Variants in ANK2 observed in about 807,000 individuals in gnomAD.
ANK2 encodes the protein ankyrin 2.
ANK2 carries 83 observed loss-of-function variants against 360.5 expected under a neutral mutation model. The ratio of observed to expected loss-of-function variants is 0.23; its 90% CI spans 0.19 to 0.28. The LOEUF (loss-of-function observed/expected upper bound fraction) is 0.28. Among genes scored for constraint, ANK2 ranks in the 10% least tolerant of loss-of-function variants. ANK2 has a pLI of 1.00. For synonymous variants in ANK2, 1,740 were observed against 1,759.5 expected (o/e 0.99, Z 0.28); for missense variants, 4,201 against 4,795.7 (o/e 0.88, Z 3.66).
chr4:112,977,742 C>T (rs1163486604), intron 2 of ANK2, among the ~76,000 whole-genome samples: 1 of 151,932 alleles, frequency 6.6e-6, no homozygotes, highest in Non-Finnish European at 1.5e-5. Context: ...TCCCTCCATC[C>T]ACCTACAGAC....
At chr4:112,792,922 GC>G in the ANK2 span, among the ~76,000 whole-genome samples, 2 of 152,084 alleles carry the variant, frequency 1.3e-5, no homozygotes, top group Non-Finnish European at 2.9e-5. Flanking sequence ...GCTTATTATA[GC>G]ATCTTTTGGA....
At chr4:113,049,883 A>G (rs553045017) in intron 1 of ANK2, 71 bp downstream of exon 1, 1 of 1,556,288 alleles carries the variant, frequency 6.4e-7, no homozygotes, top group Admixed American at 1.7e-5. Flanking sequence ...GTGTAATATC[A>G]GCAAGGCTAT....
At chr4:113,369,362 T>G (rs547816821) in intron 42 of ANK2, 152 bp from the exon 43 acceptor site, 16 of 794,306 alleles carry the variant, frequency 2.0e-5, no homozygotes, top group Non-Finnish European at 3.0e-5. Context: ...TTATTTTTCT[T>G]CAAATGTCCT....
the ANK2 span, among the ~76,000 whole-genome samples, chr4:112,749,116 T>C: frequency 6.6e-6 from 1 of 151,914 alleles, no homozygotes; most frequent in South Asian, 2.1e-4. Flanking sequence ...GCCAGGCTAG[T>C]CTCGAACTGC....
chr4:113,137,481 A>C (rs1228735273), intron 1 of ANK2, among the ~76,000 whole-genome samples: 1 of 152,234 alleles, frequency 6.6e-6, no homozygotes, highest in African/African-American at 2.4e-5. Flanking sequence ...GCATTGGCTT[A>C]GGAAAGCACT....
chr4:112,867,723 A>G (rs1349735148), intron 1 of ANK2, among the ~76,000 whole-genome samples: 1 of 149,626 alleles, frequency 6.7e-6, no homozygotes, highest in Non-Finnish European at 1.5e-5. Flanking sequence ...CCATGTTGTC[A>G]TGTATTATTA....
At chr4:113,108,742 GAA>G (rs201965241) in intron 1 of ANK2, among the ~76,000 whole-genome samples, 1 of 150,824 alleles carries the variant, frequency 6.6e-6, no homozygotes, top group African/African-American at 2.4e-5. Context: ...ACTTGAAACA[GAA>G]AAAAAAACTC....
At chr4:113,222,440 A>G (rs1438854704) in intron 4 of ANK2, among the ~76,000 whole-genome samples, 3 of 138,786 alleles carry the variant, frequency 2.2e-5, no homozygotes, top group Non-Finnish European at 4.5e-5. Flanking sequence ...TTTCTCATTC[A>G]GGCTGGAGTG....
chr4:113,121,180 A>G (rs1476832159), intron 1 of ANK2, among the ~76,000 whole-genome samples: 1 of 152,186 alleles, frequency 6.6e-6, no homozygotes, highest in East Asian at 1.9e-4. Flanking sequence ...GCTGTTAACC[A>G]TGATAACAAT....
chr4:113,314,600 A>G (rs1043808797), intron 24 of ANK2, among the ~76,000 whole-genome samples: 4 of 152,216 alleles, frequency 2.6e-5, no homozygotes, highest in African/African-American at 9.6e-5. Context: ...GAAAATATTT[A>G]AACTTGTTTT....
chr4:113,196,977 C>A (rs2098756716), intron 3 of ANK2, among the ~76,000 whole-genome samples: 1 of 152,282 alleles, frequency 6.6e-6, no homozygotes, highest in East Asian at 1.9e-4. Context: ...AATCTGTAAA[C>A]CTAGTTTATA....
intron 1 of ANK2, among the ~76,000 whole-genome samples, chr4:113,127,204 T>C (rs1053521643): frequency 1.3e-5 from 2 of 152,160 alleles, no homozygotes; most frequent in Admixed American, 1.3e-4. Flanking sequence ...TCAAGCATCC[T>C]CCCTATTTCC....
At chr4:112,746,552 A>AG in the ANK2 span, among the ~76,000 whole-genome samples, 1 of 151,588 alleles carries the variant, frequency 6.6e-6, no homozygotes, top group African/African-American at 2.4e-5. Flanking sequence ...TTTTGAATAC[A>AG]GACCTCCTCC....
chr4:112,913,290 C>T (rs1343800127), intron 2 of ANK2, among the ~76,000 whole-genome samples: 1 of 152,028 alleles, frequency 6.6e-6, no homozygotes, highest in Non-Finnish European at 1.5e-5. Flanking sequence ...TAAAATGAAG[C>T]TTATTGTAAA....
intron 2 of ANK2, among the ~76,000 whole-genome samples, chr4:112,959,702 A>T (rs906952249): frequency 6.6e-6 from 1 of 152,210 alleles, no homozygotes; most frequent in African/African-American, 2.4e-5. Context: ...TTTCATGTTT[A>T]TAAATAGTGG....
chr4:112,986,836 G>A (rs370687088), intron 2 of ANK2, among the ~76,000 whole-genome samples: 93 of 152,274 alleles, frequency 6.1e-4, no homozygotes, highest in African/African-American at 2.0e-3. Flanking sequence ...AACACTGTGC[G>A]ATGTTCCACC....
chr4:113,360,125 G>A (rs2096110608), intron 38 of ANK2, among the ~76,000 whole-genome samples: 1 of 152,126 alleles, frequency 6.6e-6, no homozygotes, highest in African/African-American at 2.4e-5. Flanking sequence ...CTAAAATGCT[G>A]CCTATCAATC....
At chr4:112,903,716 T>G (rs956118535) in intron 1 of ANK2, among the ~76,000 whole-genome samples, 1 of 152,150 alleles carries the variant, frequency 6.6e-6, no homozygotes, top group African/African-American at 2.4e-5. Flanking sequence ...CTTGATATTG[T>G]GTAACATGTA....
At chr4:113,254,079 TCTTA>T (rs2047978687) in intron 10 of ANK2, among the ~76,000 whole-genome samples, 1 of 152,206 alleles carries the variant, frequency 6.6e-6, no homozygotes, top group Non-Finnish European at 1.5e-5. Context: ...AGACTAGCTC[TCTTA>T]CTTCCTTCAC....
Sources: gnomAD v4.1 joint callset for allele counts (sites outside exome capture counted in the v4.1 genomes callset) on GRCh38, gnomAD v4.1.1 for gene constraint, MANE v1.5 for transcripts, NCBI Gene and HGNC (gene_info 2026-07-23, HGNC 2026-07-21) for gene names.